RSF1: variants seen among roughly 807,000 people sequenced by gnomAD.
RSF1 encodes remodeling and spacing factor 1, also known as HBV pX-associated protein 8.
In RSF1, 13 loss-of-function variants were observed where a neutral mutation model predicts 145.2. The observed-to-expected ratio is 0.09, with a 90% CI of 0.06 to 0.14. The LOEUF (loss-of-function observed/expected upper bound fraction) is 0.14. Among genes scored for constraint, RSF1 ranks in the 10% least tolerant of loss-of-function variants. RSF1 has a pLI of 1.00. For synonymous variants in RSF1, 577 were observed against 592.6 expected (o/e 0.97, Z 0.38); for missense variants, 1,517 against 1,718.2 (o/e 0.88, Z 2.07).
At chr11:77,841,035 GTCCAA>G in the RSF1 span, 1 of 582,100 alleles carries the variant, frequency 1.7e-6, no homozygotes, top group South Asian at 2.3e-5. Context: ...AGGCTGGGAA[GTCCAA>G]GACCAGTTGG....
At chr11:77,823,029 C>T (rs1948992601), upstream of RSF1, among the ~76,000 whole-genome samples, 2 of 151,876 alleles carry the variant, frequency 1.3e-5, no homozygotes, top group Non-Finnish European at 2.9e-5. Flanking sequence ...TCCTGGCTAA[C>T]GCGGTGAAAC....
At chr11:77,764,531 CAT>C in intron 2 of RSF1, 65 bp downstream of exon 2, 1 of 920,208 alleles carries the variant, frequency 1.1e-6, no homozygotes, top group Non-Finnish European at 1.7e-6. Context: ...TATTATAAAA[CAT>C]AATATCAATT....
intron 5 of RSF1, among the ~76,000 whole-genome samples, chr11:77,714,335 T>C (rs1960756333): frequency 6.6e-6 from 1 of 152,186 alleles, no homozygotes; most frequent in Non-Finnish European, 1.5e-5. Context: ...GTTCCTTTTA[T>C]GGGGGAATTG....
chr11:77,680,587 A>G (rs777129007), intron 11 of RSF1, among the ~76,000 whole-genome samples: 11 of 152,188 alleles, frequency 7.2e-5, no homozygotes, highest in Non-Finnish European at 1.3e-4. Context: ...CCCGTCTCTA[A>G]AAACTAAACA....
chr11:77,663,917 C>G lies in RSF1; in HGVS notation c.*3000G>C, dbSNP rs895548730. On this transcript the variant is annotated 3_prime_UTR_variant, in exon 16 of 16. Transcript: ENST00000308488. Reference sequence around the variant, plus strand: ...ACTGGGAGTCCAACTTGTATTTCAACAAGGGGGGTTTAAATTATTAAAGGG... The same window carrying G: ...ACTGGGAGTCCAACTTGTATTTCAAGAAGGGGGGTTTAAATTATTAAAGGG... 2 of 152,188 alleles carry G rather than the reference C, an allele frequency of 1.3e-5. No homozygotes were observed. The highest frequency in any genetic ancestry group is 1.3e-4 in the Admixed American group (2 of 15,286). 9.4% of individuals were successfully genotyped at this position (152,188 alleles called of 1,614,324 possible). A position where few individuals can be genotyped will look rare whatever the true frequency, so the allele number is the denominator to read the frequency against.
chr11:77,828,670 G>GA, the RSF1 span, among the ~76,000 whole-genome samples: 192 of 83,578 alleles, frequency 2.3e-3, no homozygotes, highest in Middle Eastern at 0.016. Context: ...ACTCCATCTC[G>GA]AAAAAAAAAA....
Position 77,701,062 on chromosome 11 carries a change from C to T in RSF1, c.2167G>A (p.Glu723Lys). The stretch of plus-strand genomic sequence containing the variant: ...TCTTTCTGCCTTTCAGAGGTTATCT[C>T]TGTATTTTCTGAGGCAGTGGTTTCT... ...EEETTASENT[E>K]ITSERQKEGI... The change falls in exon 6 of 16, where the codon GAG (glutamate) becomes AAG (lysine). Residue 723 changes from glutamate to lysine, a missense_variant. Physicochemically the swap from Glu to Lys is moderately conservative, Grantham distance 56 (BLOSUM62 1). Around this residue, in one of 12 missense-constraint regions of RSF1, gnomAD observed 579 missense variants for 553.5 expected, o/e 1.05. Coordinates refer to ENST00000308488, the MANE Select transcript of RSF1 (RefSeq NM_016578.4). 1.9e-6 allele frequency: 3 copies of T among 1,613,756 alleles called. No individual in the cohort carries two copies. Among genetic ancestry groups the T allele is most frequent in the Middle Eastern group, 3.3e-4 (2 of 6,062 alleles).
At chr11:77,678,245 T>C (rs1005195781) in intron 11 of RSF1, 92 bp from the exon 12 acceptor site, 1 of 709,996 alleles carries the variant, frequency 1.4e-6, no homozygotes, top group South Asian at 3.3e-5. Context: ...TGAGACGGAG[T>C]CTCTCTTTGT....
At chr11:77,796,686 G>T (rs1027160239) in intron 1 of RSF1, among the ~76,000 whole-genome samples, 3 of 152,126 alleles carry the variant, frequency 2.0e-5, no homozygotes, top group South Asian at 2.1e-4. Context: ...AAGAAAGAAA[G>T]GGTATTCAGA....
chr11:77,853,617 C>G, the RSF1 span, among the ~76,000 whole-genome samples: 1 of 152,156 alleles, frequency 6.6e-6, no homozygotes, highest in African/African-American at 2.4e-5. Flanking sequence ...TGCATCTGGC[C>G]CCTCCCAAAT....
At chr11:77,793,646 T>A (rs1565182603) in intron 1 of RSF1, among the ~76,000 whole-genome samples, 1 of 152,166 alleles carries the variant, frequency 6.6e-6, no homozygotes, top group Non-Finnish European at 1.5e-5. Flanking sequence ...GATATGGATG[T>A]GAGGGTGATC....
upstream of RSF1, chr11:77,820,748 G>A (rs1337058290): frequency 4.6e-6 from 7 of 1,530,044 alleles, no homozygotes; most frequent in Admixed American, 6.2e-5. Context: ...AGGCGATGGG[G>A]GGGCGGGGGA....
intron 1 of RSF1, among the ~76,000 whole-genome samples, chr11:77,768,649 C>T (rs996519995): frequency 2.0e-5 from 3 of 152,034 alleles, no homozygotes; most frequent in African/African-American, 7.2e-5. Context: ...AGTGTAGACC[C>T]AGCATGCTTA....
At chr11:77,748,494 A>G (rs553554367) in intron 2 of RSF1, among the ~76,000 whole-genome samples, 1 of 152,258 alleles carries the variant, frequency 6.6e-6, no homozygotes, top group East Asian at 1.9e-4. Flanking sequence ...TCCCTAGAAT[A>G]TATTACTTCC....
chr11:77,701,834 A>G lies in RSF1; in HGVS notation c.1395T>C (p.Tyr465=), dbSNP rs755334202. ...GGCTATAGCTCTCTTCCTTTGTCTC[A>G]TAAAACTTTGTCTCTATTGGTTCTG... ...FKTEPIETKF[Y]ETKEESYSPS... is the part of the protein sequence containing the mutation. The change falls in exon 6 of 16, where the codon TAT becomes TAC. Residue 465 remains tyrosine (Y), a synonymous_variant. Transcript: ENST00000308488. 11 of 1,614,084 alleles carry G rather than the reference A, an allele frequency of 6.8e-6. No individual in the cohort carries two copies. The Admixed American group carries it at 1.8e-4, about 27-fold the overall frequency.
the RSF1 span, among the ~76,000 whole-genome samples, chr11:77,861,825 T>C: frequency 6.6e-6 from 1 of 152,068 alleles, no homozygotes; most frequent in Non-Finnish European, 1.5e-5. Flanking sequence ...TTCTGCCTGC[T>C]CCTCCTGATC....
Position 77,701,418 on chromosome 11 carries a change from C to A in RSF1, c.1811G>T (p.Ser604Ile), listed in dbSNP as rs765390049. The change falls in exon 6 of 16, where the codon AGT becomes ATT. Residue 604 changes from serine to isoleucine, a missense_variant. Transcript: ENST00000308488. Reference protein sequence around the residue: ...TFLDKDAQRLSPIPEEVPKST... With the variant: ...TFLDKDAQRLIPIPEEVPKST... Reference sequence around the variant, plus strand: ...CTTTGGAACTTCTTCTGGTATTGGACTCAATCTTTGTGCGTCCTTATCAAG... The same window carrying A: ...CTTTGGAACTTCTTCTGGTATTGGAATCAATCTTTGTGCGTCCTTATCAAG... The A allele has an allele frequency of 6.2e-7, 1 of 1,614,128 alleles. No individual in the cohort carries two copies. Among genetic ancestry groups the A allele is most frequent in the South Asian group, 1.1e-5 (1 of 91,078 alleles).
intron 1 of RSF1, chr11:77,813,820 G>GACACAC (rs10688175): frequency 0.17 from 28,143 of 169,046 alleles, 2,792 homozygotes; most frequent in Non-Finnish European, 0.2. Flanking sequence ...TTTGTAAAAG[G>GACACAC]ACACACACAC....
At chr11:77,791,444 AT>A (rs1948516220) in intron 1 of RSF1, among the ~76,000 whole-genome samples, 1 of 152,136 alleles carries the variant, frequency 6.6e-6, no homozygotes, top group South Asian at 2.1e-4. Context: ...GGGGATTAAC[AT>A]TTGGCCCCTC....
Sources: gnomAD v4.1 joint callset for allele counts (sites outside exome capture counted in the v4.1 genomes callset) on GRCh38, gnomAD v4.1.1 for gene constraint, gnomAD v4.1.1 regional missense constraint, MANE v1.5 for transcripts, NCBI Gene and HGNC (gene_info 2026-07-23, HGNC 2026-07-21) for gene names.